DOCK1: variants seen among roughly 807,000 people sequenced by gnomAD.
The protein encoded by DOCK1 is dedicator of cytokinesis protein 1.
DOCK1 carries 138 observed loss-of-function variants against 262.7 expected under a neutral mutation model. The observed-to-expected ratio is 0.53, with a 90% confidence interval of 0.46 to 0.61. The LOEUF is 0.61. DOCK1 is among the 20% of genes least tolerant of loss of function. DOCK1 has a pLI of 0.00. For missense variants in DOCK1, 1,908 were observed against 2,370.7 expected (o/e 0.80, Z 4.05); for synonymous variants, 866 against 867.4 (o/e 1.00, Z 0.03).
intron 38 of DOCK1, among the ~76,000 whole-genome samples, chr10:127,390,740 A>G (rs2066425255): frequency 6.6e-6 from 1 of 152,216 alleles, no homozygotes; most frequent in African/African-American, 2.4e-5. Context: ...TCATTATGGC[A>G]GCCCTGGCAA....
At chr10:127,363,965 G>A (rs184866542) in intron 33 of DOCK1, among the ~76,000 whole-genome samples, 4 of 152,300 alleles carry the variant, frequency 2.6e-5, no homozygotes, top group African/African-American at 9.6e-5. Flanking sequence ...CCAGAAAGGC[G>A]TGTTGTGAGA....
rs1385593767 is a variant in DOCK1, at chr10:127,032,142, A to G, written c.1734A>G (p.Glu578=). Residue 578 remains glutamate, a synonymous_variant, in exon 18 of 52, where the codon GAA becomes GAG. Coordinates refer to ENST00000623213, the MANE Select transcript of DOCK1 (RefSeq NM_001290223.2). ...GEHDLIVYKA[E]AKKLEDAATY... ...CGGCATGACTAAATCCACAGGCCGA[A>G]GCAAAGAAGCTGGAAGATGCTGCCA... is the stretch of plus-strand genomic sequence containing the variant. 6.3e-7 allele frequency: 1 copy of G among 1,588,758 alleles called. No homozygotes were observed. Among genetic ancestry groups the G allele is most frequent in the South Asian group, 1.1e-5 (1 of 86,964 alleles).
In DOCK1 at chr10:127,452,280, A is replaced by G. The variant is rs2071011245; in HGVS notation, c.*853A>G. On this transcript the variant is annotated 3_prime_UTR_variant, in exon 52 of 52. Coordinates refer to ENST00000623213, the MANE Select transcript of DOCK1 (RefSeq NM_001290223.2). ...CCAATGATTATCCATATGTGTTCTT[A>G]ATTTTTAACTGCTGGAAGTGTTAAA... is the stretch of plus-strand genomic sequence containing the variant. The G allele has an allele frequency of 6.6e-6, 1 of 150,752 alleles. No individual in the cohort carries two copies. Among genetic ancestry groups the G allele is most frequent in the African/African-American group, 2.4e-5 (1 of 40,974 alleles). The allele number at this position is 150,752 out of a possible 1,614,324, so 9.3% of individuals were successfully genotyped here.
chr10:127,329,754 G>A (rs1390058257), intron 29 of DOCK1, among the ~76,000 whole-genome samples: 1 of 152,148 alleles, frequency 6.6e-6, no homozygotes, highest in African/African-American at 2.4e-5. Context: ...TTTATTTTGT[G>A]AAGTTGAAAT....
intron 32 of DOCK1, among the ~76,000 whole-genome samples, chr10:127,357,005 A>G (rs1292279270): frequency 1.1e-4 from 16 of 152,090 alleles, no homozygotes; most frequent in Admixed American, 1.0e-3. Context: ...TAGAGACACC[A>G]CCCTAGCGGA....
rs138961271 is a variant in DOCK1, at chr10:127,339,233, T to C, written c.3123+149T>C. On this transcript the variant is annotated intron_variant, in intron 30 of 51. Transcript: ENST00000623213. ...AAACGGAATTTGTAGTATGTACTATTGGAACCTGAGGAGTGAAAATTATAC... is the reference window on the plus strand; with the variant it reads ...AAACGGAATTTGTAGTATGTACTATCGGAACCTGAGGAGTGAAAATTATAC... 2,949 of 677,984 alleles carry C rather than the reference T, an allele frequency of 4.3e-3. 35 individuals are homozygous for C. The highest frequency in any genetic ancestry group is 0.027 in the East Asian group (991 of 36,538). The allele number at this position is 677,984 out of a possible 1,614,324, so 42.0% of individuals were successfully genotyped here. A position where few individuals can be genotyped will look rare whatever the true frequency, so the allele number is the denominator to read the frequency against.
At chr10:127,245,580 C>T (rs368906623) in intron 27 of DOCK1, among the ~76,000 whole-genome samples, 28 of 152,314 alleles carry the variant, frequency 1.8e-4, no homozygotes, top group East Asian at 1.5e-3. Context: ...TTCAGTTTTT[C>T]GTTTTCTGTG....
intron 38 of DOCK1, among the ~76,000 whole-genome samples, chr10:127,389,150 C>T (rs1262716302): frequency 2.6e-5 from 4 of 152,208 alleles, no homozygotes; most frequent in Non-Finnish European, 5.9e-5. Flanking sequence ...TCCTGACCCC[C>T]GTGACTGCGA....
At chr10:127,382,319 G>A (rs1194608829) in intron 37 of DOCK1, among the ~76,000 whole-genome samples, 1 of 152,116 alleles carries the variant, frequency 6.6e-6, no homozygotes, top group Non-Finnish European at 1.5e-5. Context: ...GTAAAACTCT[G>A]GTAAGACTCT....
At chr10:127,422,760 T>C (rs535344290) in intron 46 of DOCK1, among the ~76,000 whole-genome samples, 1 of 152,328 alleles carries the variant, frequency 6.6e-6, no homozygotes, top group East Asian at 1.9e-4. Flanking sequence ...TTAGATGTTG[T>C]AGATTTTTTA....
intron 1 of DOCK1, among the ~76,000 whole-genome samples, chr10:126,909,854 A>G (rs540178837): frequency 1.3e-5 from 2 of 152,364 alleles, no homozygotes; most frequent in African/African-American, 2.4e-5. Context: ...CATAGTGACA[A>G]GTGACTTCTG....
intron 33 of DOCK1, among the ~76,000 whole-genome samples, chr10:127,370,728 C>T (rs564603830): frequency 8.5e-5 from 13 of 152,188 alleles, no homozygotes; most frequent in Non-Finnish European, 1.6e-4. Flanking sequence ...AATATCGCTT[C>T]GAGCACAGCC....
At chr10:127,264,420 T>C (rs779829214) in intron 29 of DOCK1, among the ~76,000 whole-genome samples, 3 of 152,212 alleles carry the variant, frequency 2.0e-5, no homozygotes, top group Non-Finnish European at 4.4e-5. Flanking sequence ...TAATGATTAG[T>C]GTTTTGAAGC....
At chr10:127,297,901 G>C (rs1164737402) in intron 29 of DOCK1, among the ~76,000 whole-genome samples, 1 of 151,916 alleles carries the variant, frequency 6.6e-6, no homozygotes, top group Non-Finnish European at 1.5e-5. Context: ...TTACCTATTG[G>C]GATGCCTTCT....
intron 4 of DOCK1, among the ~76,000 whole-genome samples, chr10:126,984,129 C>T (rs548020062): frequency 6.6e-6 from 1 of 152,198 alleles, no homozygotes; most frequent in Non-Finnish European, 1.5e-5. Context: ...TGTTGCCCCT[C>T]CCTGATTGAC....
chr10:126,949,642 A>T (rs994959986), intron 1 of DOCK1, among the ~76,000 whole-genome samples: 1 of 152,122 alleles, frequency 6.6e-6, no homozygotes, highest in African/African-American at 2.4e-5. Context: ...CTATAAATTC[A>T]TGTTAGACAG....
At chr10:127,382,656 A>G (rs1239777374) in intron 37 of DOCK1, among the ~76,000 whole-genome samples, 3 of 152,174 alleles carry the variant, frequency 2.0e-5, no homozygotes, top group Non-Finnish European at 4.4e-5. Flanking sequence ...TCAAAACTCA[A>G]ATTTCAGTAG....
At chr10:127,072,961 A>G (rs2046318371) in intron 23 of DOCK1, among the ~76,000 whole-genome samples, 1 of 152,342 alleles carries the variant, frequency 6.6e-6, no homozygotes, top group Non-Finnish European at 1.5e-5. Flanking sequence ...AGATACCAGC[A>G]TTTAGAACAG....
rs2055068049 is a variant in DOCK1, at chr10:127,175,857, T to A, written c.2847+48093T>A. 1.2e-6 allele frequency: 2 copies of A among 1,613,982 alleles called. No individual in the cohort carries two copies. The highest frequency in any genetic ancestry group is 1.7e-6 in the Non-Finnish European group (2 of 1,180,018). ...CAAAGGCTGGTCCACTGTGTTCATG[T>A]GTTGGTTGGAATGGAAAACCAAGGC... On this transcript the variant is annotated intron_variant, in intron 27 of 51. Transcript: ENST00000623213. The surrounding 1 kb of genome is among the most constrained non-coding windows in gnomAD (Gnocchi z 6.3).
Sources: allele counts gnomAD v4.1 joint callset (sites outside exome capture counted in the v4.1 genomes callset), GRCh38; gene constraint gnomAD v4.1.1; non-coding constraint Gnocchi (gnomAD v3.1); transcripts MANE v1.5; gene names NCBI Gene and HGNC (gene_info 2026-07-23, HGNC 2026-07-21).